STXBP6: variants seen among roughly 807,000 people sequenced by gnomAD.
STXBP6 encodes the protein syntaxin binding protein 6.
STXBP6 carries 21 observed loss-of-function variants against 26.9 expected under a neutral mutation model. The ratio of observed to expected loss-of-function variants is 0.78; its 90% confidence interval spans 0.55 to 1.12. The LOEUF is 1.12. STXBP6 is among the 50% of genes most tolerant of loss of function. The pLI, the probability that STXBP6 is intolerant of heterozygous loss-of-function variation, is 0.00. For missense variants in STXBP6, 232 were observed against 257.9 expected, an observed-to-expected ratio of 0.90 and a Z score of 0.69; for synonymous variants, 97 against 92.6, an observed-to-expected ratio of 1.05 and a Z score of -0.27.
intron 4 of STXBP6, among the ~76,000 whole-genome samples, chr14:24,839,453 C>G (rs972750129): frequency 2.6e-5 from 4 of 151,944 alleles, no homozygotes; most frequent in African/African-American, 9.7e-5. Flanking sequence ...ATCCCATAGT[C>G]TCCTAATCAA....
At chr14:25,002,359 C>CTTTTTTTTTTGTTTTTT (rs2074780760) in intron 1 of STXBP6, among the ~76,000 whole-genome samples, 1 of 121,356 alleles carries the variant, frequency 8.2e-6, no homozygotes, top group Non-Finnish European at 1.7e-5. Context: ...ATTCTTATGA[C>CTTTTTTTTTTGTTTTTT]TTTTTTTTTT....
At chr14:24,897,038 G>A (rs927506247) in intron 2 of STXBP6, among the ~76,000 whole-genome samples, 3 of 152,158 alleles carry the variant, frequency 2.0e-5, no homozygotes, top group African/African-American at 7.2e-5. Context: ...GGAGGTTTCT[G>A]CAGAAAAGTA....
rs185916783 is a variant in STXBP6, at chr14:24,876,423, C to T, written c.155-19266G>A. ...GTTTCCTGGCCTCAACACAAAGGCA[C>T]TATTATTTTCTTGAAAAGGAAATTA... is the stretch of plus-strand genomic sequence containing the variant. On this transcript the variant is annotated intron_variant, in intron 2 of 5. Transcript: ENST00000323944. Among the ~76,000 whole-genome samples the T allele has an allele frequency of 5.7e-3, 873 of 152,298 alleles. 6 individuals are homozygous for T. Among genetic ancestry groups the T allele is most frequent in the Non-Finnish European group, 7.0e-3 (477 of 68,014 alleles).
At chr14:25,038,262 CTTATT>C (rs1247216315) in intron 1 of STXBP6, among the ~76,000 whole-genome samples, 2 of 152,132 alleles carry the variant, frequency 1.3e-5, no homozygotes, top group Non-Finnish European at 2.9e-5. Flanking sequence ...CAATGGAACT[CTTATT>C]CATACCTGAT....
chr14:24,825,413 C>T (rs368396261), intron 4 of STXBP6, among the ~76,000 whole-genome samples: 1 of 152,146 alleles, frequency 6.6e-6, no homozygotes, highest in African/African-American at 2.4e-5. Flanking sequence ...AAGTTGGTGG[C>T]TAATTTCAAG....
intron 2 of STXBP6, among the ~76,000 whole-genome samples, chr14:24,972,459 T>C (rs967997258): frequency 6.6e-6 from 1 of 152,310 alleles, no homozygotes. Context: ...CAACTATTCT[T>C]CAATTATACA....
intron 1 of STXBP6, among the ~76,000 whole-genome samples, chr14:24,984,443 C>G (rs1003514478): frequency 2.0e-5 from 3 of 152,156 alleles, no homozygotes; most frequent in African/African-American, 7.2e-5. Flanking sequence ...TCTGAGGAGC[C>G]ATTTTACACA....
intron 1 of STXBP6, chr14:25,010,779 T>C (rs191159993): frequency 1.3e-5 from 2 of 152,348 alleles, no homozygotes; most frequent in Admixed American, 1.3e-4. Flanking sequence ...GATTTTTTTT[T>C]TCTTTTCTTT....
intron 2 of STXBP6, among the ~76,000 whole-genome samples, chr14:24,947,794 A>C (rs1002721745): frequency 6.6e-6 from 1 of 152,184 alleles, no homozygotes; most frequent in African/African-American, 2.4e-5. Flanking sequence ...ATCACATCCA[A>C]ACAGTCTTCT....
intron 1 of STXBP6, among the ~76,000 whole-genome samples, chr14:24,975,102 T>C (rs1311294812): frequency 8.5e-5 from 13 of 152,188 alleles, no homozygotes; most frequent in Admixed American, 8.5e-4. Flanking sequence ...AGATGAGTAG[T>C]ACAAACTGGG....
In STXBP6 at chr14:24,893,508, C is replaced by T. The variant is rs540271014; in HGVS notation, c.155-36351G>A. Among the ~76,000 whole-genome samples, 596 of 152,192 alleles carry T rather than the reference C, an allele frequency of 3.9e-3. 4 individuals carry two copies. The highest frequency in any genetic ancestry group is 0.014 in the African/African-American group (573 of 41,506). On this transcript the variant is annotated intron_variant, in intron 2 of 5. Coordinates refer to ENST00000323944, the MANE Select transcript of STXBP6 (RefSeq NM_001394410.1). ...TGCTGTCTTGCTCAGTTGGGAAATT[C>T]CCAAGCACTTAAGAGTGTTAGGTAA...
intron 2 of STXBP6, among the ~76,000 whole-genome samples, chr14:24,893,489 C>T (rs762555870): frequency 2.6e-4 from 39 of 152,186 alleles, no homozygotes; most frequent in Non-Finnish European, 5.1e-4. Context: ...GCAGTGCTGT[C>T]TTGCTCAGTT....
chr14:24,898,386 C>T (rs546783200), intron 2 of STXBP6, among the ~76,000 whole-genome samples: 52 of 152,166 alleles, frequency 3.4e-4, no homozygotes, highest in African/African-American at 1.2e-3. Context: ...AGTATTGAAA[C>T]GGGAAGGGAT....
At chr14:25,011,417 ACTG>A (rs1192603815) in intron 1 of STXBP6, among the ~76,000 whole-genome samples, 1 of 152,214 alleles carries the variant, frequency 6.6e-6, no homozygotes, top group Non-Finnish European at 1.5e-5. Context: ...TCAGAAAGCC[ACTG>A]CTAACTGTTT....
chr14:24,934,898 T>C (rs1293175750), intron 2 of STXBP6, among the ~76,000 whole-genome samples: 6 of 152,094 alleles, frequency 3.9e-5, no homozygotes, highest in African/African-American at 1.4e-4. Context: ...TTAAGAACCT[T>C]AAGTGATATT....
At chr14:24,967,245 A>G (rs1413391848) in intron 2 of STXBP6, among the ~76,000 whole-genome samples, 1 of 152,234 alleles carries the variant, frequency 6.6e-6, no homozygotes, top group African/African-American at 2.4e-5. Context: ...GAAAGGGTAC[A>G]GAATATGTCT....
chr14:24,884,235 A>G (rs1383593266), intron 2 of STXBP6, among the ~76,000 whole-genome samples: 1 of 152,216 alleles, frequency 6.6e-6, no homozygotes. Context: ...TATACTAGAG[A>G]AAAACTAGAA....
chr14:24,939,999 C>T (rs964308011), intron 2 of STXBP6, among the ~76,000 whole-genome samples: 1 of 152,224 alleles, frequency 6.6e-6, no homozygotes, highest in Admixed American at 6.5e-5. Context: ...TGCACAGTAT[C>T]TTGAAGAGGT....
At chr14:24,964,679 G>GTA (rs1555334131) in intron 2 of STXBP6, among the ~76,000 whole-genome samples, 3 of 151,800 alleles carry the variant, frequency 2.0e-5, no homozygotes, top group Admixed American at 6.6e-5. Context: ...GTGTGTGTGT[G>GTA]TGTATGTAAA....
Sources: allele counts gnomAD v4.1 joint callset (sites outside exome capture counted in the v4.1 genomes callset), GRCh38; gene constraint gnomAD v4.1.1; transcripts MANE v1.5; gene names NCBI Gene and HGNC (gene_info 2026-07-23, HGNC 2026-07-21).